The following CDH12 variants were observed in gnomAD, a reference collection of about 807,000 sequenced individuals.
The protein encoded by CDH12 is cadherin-12.
CDH12 carries 41 observed loss-of-function variants against 74.1 expected under a neutral mutation model. The observed-to-expected ratio is 0.55, with a 90% CI of 0.43 to 0.72. The LOEUF is 0.72. Among genes scored for constraint, CDH12 ranks in the 30% least tolerant of loss-of-function variants. The probability of loss-of-function intolerance (pLI) is 0.00; values close to 1 mark genes in which losing one functional copy is unlikely to be tolerated. For synonymous variants in CDH12, 399 were observed against 355.0 expected (o/e 1.12, Z -1.39); for missense variants, 945 against 977.2 (o/e 0.97, Z 0.44).
chr5:21,781,942 G>A (rs1397214947), intron 11 of CDH12, among the ~76,000 whole-genome samples: 1 of 152,136 alleles, frequency 6.6e-6, no homozygotes, highest in Non-Finnish European at 1.5e-5. Context: ...TTTAATAAAT[G>A]TGAAATATTG....
intron 5 of CDH12, among the ~76,000 whole-genome samples, chr5:22,006,937 C>A (rs182426177): frequency 9.2e-5 from 14 of 152,126 alleles, no homozygotes; most frequent in African/African-American, 2.9e-4. Context: ...TAATACGAGT[C>A]ATTTCCTTTA....
chr5:21,951,001 A>G (rs1175446936), intron 6 of CDH12, among the ~76,000 whole-genome samples: 1 of 151,426 alleles, frequency 6.6e-6, no homozygotes, highest in Non-Finnish European at 1.5e-5. Flanking sequence ...GTTAGCTAGG[A>G]TGGTCTCGAT....
Position 22,154,416 on chromosome 5 carries a change from A to G in CDH12, c.-187+58082T>C, listed in dbSNP as rs569123288. Among the ~76,000 whole-genome samples the G allele has an allele frequency of 1.6e-3, 241 of 147,902 alleles. 6 individuals carry two copies. The highest frequency in any genetic ancestry group is 6.0e-3 in the African/African-American group (240 of 40,226). ...CCCTAACCCCAGTTTACACACACAC[A>G]CACATATACATATATAGTGAATATA... On this transcript the variant is annotated intron_variant, in intron 4 of 14. Coordinates refer to ENST00000382254, the MANE Select transcript of CDH12 (RefSeq NM_004061.5).
chr5:22,243,375 A>G (rs1752816044), intron 3 of CDH12, among the ~76,000 whole-genome samples: 2 of 152,196 alleles, frequency 1.3e-5, no homozygotes, highest in South Asian at 4.1e-4. Context: ...AAGGGAAGAG[A>G]TTAAGAGTAA....
intron 1 of CDH12, among the ~76,000 whole-genome samples, chr5:22,712,113 T>C (rs527451867): frequency 1.3e-5 from 2 of 152,176 alleles, no homozygotes; most frequent in East Asian, 3.9e-4. Flanking sequence ...TAAGTGGTGT[T>C]ATAGGTATCG....
At chr5:22,441,964 A>G (rs976391603) in intron 2 of CDH12, among the ~76,000 whole-genome samples, 7 of 152,254 alleles carry the variant, frequency 4.6e-5, no homozygotes, top group African/African-American at 1.7e-4. Context: ...TTGGCCTCCC[A>G]AAGTGCTGGG....
intron 10 of CDH12, among the ~76,000 whole-genome samples, chr5:21,789,404 G>A (rs1746371093): frequency 6.6e-6 from 1 of 152,072 alleles, no homozygotes; most frequent in African/African-American, 2.4e-5. Context: ...TGGGTTAAGT[G>A]TCACTGTCTT....
At chr5:22,732,504 A>T (rs1463664830) in intron 1 of CDH12, among the ~76,000 whole-genome samples, 2 of 151,348 alleles carry the variant, frequency 1.3e-5, no homozygotes, top group African/African-American at 4.9e-5. Flanking sequence ...ACACACACAT[A>T]AAAATTCCAA....
chr5:22,024,149 T>A (rs923978921), intron 5 of CDH12, among the ~76,000 whole-genome samples: 1 of 152,194 alleles, frequency 6.6e-6, no homozygotes, highest in Non-Finnish European at 1.5e-5. Context: ...TGAAAATGTA[T>A]GTTACTATCT....
intron 1 of CDH12, among the ~76,000 whole-genome samples, chr5:22,523,981 A>T (rs1218372383): frequency 7.2e-4 from 103 of 142,236 alleles, no homozygotes; most frequent in South Asian, 1.3e-3. Flanking sequence ...TATTATTATT[A>T]TTTTTTTTTT....
Position 22,476,490 on chromosome 5 carries a change from T to C in CDH12, c.-428+28780A>G, listed in dbSNP as rs530290101. On this transcript the variant is annotated intron_variant, in intron 2 of 14. Transcript: ENST00000382254. ...GTGCAGTAATCAGGTCTCCTCCTTT[T>C]TCTCCCAAATTAATAAATCAGGAAC... Among the ~76,000 whole-genome samples, 4 of 152,224 alleles carry C rather than the reference T, an allele frequency of 2.6e-5. No individual in the cohort carries two copies. The South Asian group carries it at 8.3e-4, about 32-fold the overall frequency.
At chr5:22,713,206 T>C (rs2126977376) in intron 1 of CDH12, among the ~76,000 whole-genome samples, 1 of 140,124 alleles carries the variant, frequency 7.1e-6, no homozygotes, top group East Asian at 2.2e-4. Context: ...AGTGGTACGA[T>C]CTCGGCTCAC....
intron 6 of CDH12, among the ~76,000 whole-genome samples, chr5:21,864,807 G>A (rs1014058658): frequency 1.3e-5 from 2 of 152,158 alleles, no homozygotes; most frequent in South Asian, 4.1e-4. Context: ...GAAAAGAAAT[G>A]TAGGTAGAGT....
chr5:22,339,617 G>T (rs1295095141), intron 3 of CDH12, among the ~76,000 whole-genome samples: 2 of 152,268 alleles, frequency 1.3e-5, no homozygotes, highest in Non-Finnish European at 2.9e-5. Flanking sequence ...TCAGAGTAAA[G>T]GATGAGGTAA....
chr5:22,356,031 T>C (rs796865538), intron 3 of CDH12, among the ~76,000 whole-genome samples: 28 of 152,248 alleles, frequency 1.8e-4, no homozygotes, highest in African/African-American at 6.3e-4. Context: ...AATATTAAGG[T>C]AATGAAATAT....
intron 1 of CDH12, among the ~76,000 whole-genome samples, chr5:22,540,819 C>A (rs1738068012): frequency 6.6e-6 from 1 of 152,094 alleles, no homozygotes; most frequent in Admixed American, 6.5e-5. Context: ...TTCTGTAAAG[C>A]AAATCTTTCT....
chr5:22,526,568 A>G (rs948667413), intron 1 of CDH12, among the ~76,000 whole-genome samples: 23 of 152,194 alleles, frequency 1.5e-4, no homozygotes, highest in African/African-American at 5.3e-4. Context: ...TCAAGAAATG[A>G]AAACACATCT....
At chr5:21,923,760 G>T (rs1184246429) in intron 6 of CDH12, among the ~76,000 whole-genome samples, 1 of 152,066 alleles carries the variant, frequency 6.6e-6, no homozygotes, top group Non-Finnish European at 1.5e-5. Context: ...TATGGATCTT[G>T]GTATAATTTT....
intron 4 of CDH12, among the ~76,000 whole-genome samples, chr5:22,124,122 A>G (rs1745690838): frequency 1.3e-5 from 2 of 148,458 alleles, no homozygotes. Context: ...GCGCGCCAAC[A>G]CTCCCTGCTG....
Sources: gnomAD v4.1 joint callset for allele counts (sites outside exome capture counted in the v4.1 genomes callset) on GRCh38, gnomAD v4.1.1 for gene constraint, MANE v1.5 for transcripts, NCBI Gene and HGNC (gene_info 2026-07-23, HGNC 2026-07-21) for gene names.